WDHD1: variants seen among roughly 807,000 people sequenced by gnomAD.
The protein encoded by WDHD1 is WD repeat and HMG-box DNA binding protein 1, also known as WD repeat and HMG-box DNA-binding protein 1.
WDHD1 carries 111 observed loss-of-function variants against 135.4 expected under a neutral mutation model. The observed-to-expected ratio is 0.82, with a 90% confidence interval of 0.70 to 0.96. WDHD1 has a LOEUF of 0.96. Among genes scored for constraint, WDHD1 ranks in the 40% least tolerant of loss-of-function variants. WDHD1 has a pLI of 0.00. For synonymous variants in WDHD1, 434 were observed against 439.0 expected (o/e 0.99, Z 0.14); for missense variants, 1,351 against 1,336.3 (o/e 1.01, Z -0.17).
At chr14:54,962,914 C>T in intron 19 of WDHD1, 38 bp downstream of exon 19, 2 of 1,612,274 alleles carry the variant, frequency 1.2e-6, no homozygotes, top group Middle Eastern at 1.6e-4. Flanking sequence ...ACATTCAAGA[C>T]AGTAAAGGAA....
Position 55,008,704 on chromosome 14 carries a change from T to C in WDHD1, c.357A>G (p.Lys119=), listed in dbSNP as rs760997425. ...GGCTGCTATCCATCACATCCACAATTTTGACTAGAAAATCACTAAGAACAA... is the reference window on the plus strand; with the variant it reads ...GGCTGCTATCCATCACATCCACAATCTTGACTAGAAAATCACTAAGAACAA... The part of the protein sequence containing the change: ...IAAGSSDFLV[K]IVDVMDSSQQ... Residue 119 remains lysine, a synonymous_variant, in exon 5 of 26, where the codon AAA becomes AAG. Coordinates refer to ENST00000360586, the MANE Select transcript of WDHD1 (RefSeq NM_007086.4). 1 of 1,610,526 alleles carries C rather than the reference T, an allele frequency of 6.2e-7. No individual in the cohort carries two copies. Among genetic ancestry groups the C allele is most frequent in the East Asian group, 2.2e-5 (1 of 44,854 alleles).
chr14:54,967,416 A>G (rs752530015), intron 16 of WDHD1, 22 bp from the exon 17 acceptor site: 3 of 1,554,908 alleles, frequency 1.9e-6, no homozygotes, highest in Admixed American at 4.2e-5. Context: ...GAAAAGTTCC[A>G]TCATAAAAAT....
Position 54,946,017 on chromosome 14 carries a change from C to T in WDHD1, c.3051-1547G>A, listed in dbSNP as rs371298022. On this transcript the variant is annotated intron_variant, in intron 24 of 25. Transcript: ENST00000360586. Reference sequence around the variant, plus strand: ...ATATGCAAATTTTAAGTAATCTTAACGTAAACCGATTTCCAGAAAAATAAC... The same window carrying T: ...ATATGCAAATTTTAAGTAATCTTAATGTAAACCGATTTCCAGAAAAATAAC... Among the ~76,000 whole-genome samples, 6 of 152,218 alleles carry T rather than the reference C, an allele frequency of 3.9e-5. No homozygotes were observed. In the South Asian group the frequency reaches 6.2e-4, roughly 16 times the overall value.
At position 54,943,418 on chromosome 14, in the gene WDHD1, C is replaced by T. The variant is rs1038493552; in HGVS notation, c.3189+914G>A. On this transcript the variant is annotated intron_variant, in intron 25 of 25. Coordinates refer to ENST00000360586, the MANE Select transcript of WDHD1 (RefSeq NM_007086.4). The stretch of plus-strand genomic sequence containing the variant: ...TATTAATTTTTTTCCCCCTAGAGAC[C>T]CGGTCTCACTCTGTCACCCATGCTG... Among the ~76,000 whole-genome samples, 3 of 152,012 alleles carry T rather than the reference C, an allele frequency of 2.0e-5. No homozygotes were observed. In the East Asian group the frequency reaches 5.8e-4, roughly 29 times the overall value.
chr14:54,959,644 T>C (rs2140164075), intron 21 of WDHD1, among the ~76,000 whole-genome samples: 1 of 152,150 alleles, frequency 6.6e-6, no homozygotes, highest in South Asian at 2.1e-4. Flanking sequence ...GATGCACAAC[T>C]GTAGTCATAG....
At chr14:54,980,317 C>CCACA in intron 16 of WDHD1, among the ~76,000 whole-genome samples, 1 of 149,912 alleles carries the variant, frequency 6.7e-6, no homozygotes, top group Non-Finnish European at 1.5e-5. Context: ...GAGTGAGACT[C>CCACA]TGTCTCAAAA....
At chr14:54,979,247 G>C (rs2041578558) in intron 16 of WDHD1, among the ~76,000 whole-genome samples, 1 of 152,044 alleles carries the variant, frequency 6.6e-6, no homozygotes, top group African/African-American at 2.4e-5. Flanking sequence ...AACCTCCTGG[G>C]CTCAAGTGAT....
At chr14:55,007,417 C>A in intron 6 of WDHD1, 42 bp from the exon 7 acceptor site, 3 of 1,398,500 alleles carry the variant, frequency 2.1e-6, no homozygotes, top group Non-Finnish European at 3.0e-6. Flanking sequence ...TTATGAAAAT[C>A]CCCCCCAAAA....
intron 16 of WDHD1, among the ~76,000 whole-genome samples, chr14:54,976,080 T>TA (rs1323302885): frequency 6.6e-6 from 1 of 152,104 alleles, no homozygotes; most frequent in African/African-American, 2.4e-5. Flanking sequence ...TCAGCCAGGA[T>TA]ACCACAAGCA....
At chr14:54,985,859 G>A (rs1398839116) in intron 14 of WDHD1, among the ~76,000 whole-genome samples, 1 of 152,170 alleles carries the variant, frequency 6.6e-6, no homozygotes, top group East Asian at 1.9e-4. Flanking sequence ...AAGAATCGAG[G>A]ATAATTTTTA....
At chr14:54,994,322 T>C (rs1475387376) in intron 11 of WDHD1, among the ~76,000 whole-genome samples, 1 of 152,210 alleles carries the variant, frequency 6.6e-6, no homozygotes, top group African/African-American at 2.4e-5. Flanking sequence ...GGCACAAAGT[T>C]ATTCATAATA....
At chr14:54,950,593 G>A (rs961425467) in intron 24 of WDHD1, among the ~76,000 whole-genome samples, 8 of 152,052 alleles carry the variant, frequency 5.3e-5, no homozygotes, top group African/African-American at 1.9e-4. Context: ...AGATCAACGA[G>A]ACAAAGTTAA....
At chr14:55,007,658 G>A (rs1418582484) in intron 6 of WDHD1, among the ~76,000 whole-genome samples, 1 of 152,130 alleles carries the variant, frequency 6.6e-6, no homozygotes, top group African/African-American at 2.4e-5. Flanking sequence ...CCCAATACGT[G>A]AAATTCTTAG....
chr14:54,995,317 T>C (rs944935540), intron 11 of WDHD1, among the ~76,000 whole-genome samples: 3 of 152,178 alleles, frequency 2.0e-5, no homozygotes, highest in East Asian at 1.9e-4. Flanking sequence ...TTTGGTCTCA[T>C]TGACTTTCTC....
chr14:54,954,668 T>C (rs944906815), intron 24 of WDHD1, among the ~76,000 whole-genome samples: 9 of 152,248 alleles, frequency 5.9e-5, no homozygotes, highest in Non-Finnish European at 1.3e-4. Context: ...TTTCTATCTA[T>C]CCATCCATTT....
At chr14:54,994,737 G>A (rs1351091308) in intron 11 of WDHD1, among the ~76,000 whole-genome samples, 1 of 150,760 alleles carries the variant, frequency 6.6e-6, no homozygotes, top group Non-Finnish European at 1.5e-5. Context: ...CTCCAGCCTG[G>A]GTGACAGAGT....
At chr14:54,945,664 C>T (rs952720604) in intron 24 of WDHD1, among the ~76,000 whole-genome samples, 2 of 152,288 alleles carry the variant, frequency 1.3e-5, no homozygotes, top group South Asian at 4.2e-4. Context: ...CCTCAGCCTC[C>T]CAAACAGCTG....
intron 21 of WDHD1, 47 bp from the exon 22 acceptor site, chr14:54,957,682 G>A (rs369158769): frequency 2.4e-5 from 36 of 1,476,898 alleles, no homozygotes; most frequent in Non-Finnish European, 3.2e-5. Context: ...GAAAATAGAT[G>A]ACTTCTGACA....
At chr14:54,943,185 C>A (rs1364419544) in intron 25 of WDHD1, among the ~76,000 whole-genome samples, 1 of 152,142 alleles carries the variant, frequency 6.6e-6, no homozygotes, top group Admixed American at 6.6e-5. Context: ...GAGATTGTGC[C>A]TTCCTTCCTT....
Sources: gnomAD v4.1 joint callset for allele counts (sites outside exome capture counted in the v4.1 genomes callset) on GRCh38, gnomAD v4.1.1 for gene constraint, MANE v1.5 for transcripts, NCBI Gene and HGNC (gene_info 2026-07-23, HGNC 2026-07-21) for gene names.